ZNF609: variants seen among roughly 807,000 people sequenced by gnomAD.
ZNF609 encodes the protein zinc finger protein 609.
In ZNF609, 11 loss-of-function variants were observed where a neutral mutation model predicts 109.5. The observed-to-expected ratio is 0.10, with a 90% CI of 0.06 to 0.17. The LOEUF is 0.17. Among genes scored for constraint, ZNF609 ranks in the 10% least tolerant of loss-of-function variants. The probability of loss-of-function intolerance (pLI) is 1.00; values close to 1 mark genes in which losing one functional copy is unlikely to be tolerated. For missense variants in ZNF609, 1,559 were observed against 1,772.4 expected (o/e 0.88, Z 2.16); for synonymous variants, 646 against 662.0 (o/e 0.98, Z 0.37).
intron 1 of ZNF609, among the ~76,000 whole-genome samples, chr15:64,497,324 C>A (rs1439927155): frequency 6.6e-6 from 1 of 152,194 alleles, no homozygotes; most frequent in African/African-American, 2.4e-5. Context: ...CTTCCCACAT[C>A]TACAGCTAAA....
At position 64,590,651 on chromosome 15, in the gene ZNF609, A is replaced by G. The variant is rs575219019; in HGVS notation, c.748-32176A>G. On this transcript the variant is annotated intron_variant, in intron 2 of 9. Coordinates refer to ENST00000326648, the MANE Select transcript of ZNF609 (RefSeq NM_015042.2). ...AAATATATATTTATTTTACATACAC[A>G]TAACACACACACACATATACATGCA... is the stretch of plus-strand genomic sequence containing the variant. 2.2e-5 allele frequency among the ~76,000 whole-genome samples: 3 copies of G among 138,278 alleles called. No homozygotes were observed. In the South Asian group the frequency reaches 6.7e-4, roughly 31 times the overall value. 90.7% of individuals were successfully genotyped at this position (138,278 alleles called of 152,430 possible).
chr15:64,657,275 T>A (rs1896504035), intron 3 of ZNF609, among the ~76,000 whole-genome samples: 2 of 149,458 alleles, frequency 1.3e-5, no homozygotes, highest in African/African-American at 2.5e-5. Flanking sequence ...AAAAAAAAAA[T>A]TATAAAAAAT....
intron 2 of ZNF609, among the ~76,000 whole-genome samples, chr15:64,612,281 G>C (rs1024928250): frequency 6.6e-5 from 10 of 151,622 alleles, no homozygotes; most frequent in Admixed American, 6.6e-4. Context: ...CCGAGTAGCT[G>C]GGACTACAGG....
chr15:64,492,730 A>C (rs1893431402), intron 1 of ZNF609, among the ~76,000 whole-genome samples: 1 of 152,290 alleles, frequency 6.6e-6, no homozygotes, highest in South Asian at 2.1e-4. Flanking sequence ...ATATGCTTAG[A>C]ATGTGATAGA....
rs536712944 is a variant in ZNF609 at position 64,595,096 on chromosome 15, G to A, written c.748-27731G>A. Among the ~76,000 whole-genome samples, 88 of 150,970 alleles carry A rather than the reference G, an allele frequency of 5.8e-4. No homozygotes were observed. In the South Asian group the frequency reaches 0.016, roughly 28 times the overall value. The stretch of plus-strand genomic sequence containing the variant: ...AAATTTGGGCCGGGCGCGGTGGCTC[G>A]TGCCTGTAATCTCAGTACTTTGGGA... On this transcript the variant is annotated intron_variant, in intron 2 of 9. Coordinates refer to ENST00000326648, the MANE Select transcript of ZNF609 (RefSeq NM_015042.2).
chr15:64,549,798 A>G (rs1191146602), intron 2 of ZNF609, among the ~76,000 whole-genome samples: 1 of 151,988 alleles, frequency 6.6e-6, no homozygotes, highest in Admixed American at 6.6e-5. Context: ...AATTTAATTT[A>G]TTTTTGAGAT....
At position 64,607,816 on chromosome 15, in the gene ZNF609, C is replaced by CTTCTTTCTTTCTTTCTTTCT. The variant is rs71133456; in HGVS notation, c.748-14965_748-14946dup. 1.5e-4 allele frequency among the ~76,000 whole-genome samples: 15 copies of CTTCTTTCTTTCTTTCTTTCT among 98,906 alleles called. 1 individual carries two copies. The highest frequency in any genetic ancestry group is 6.9e-4 in the African/African-American group (15 of 21,634). The allele number at this position is 98,906 out of a possible 152,430, so 64.9% of individuals were successfully genotyped here. A position where few individuals can be genotyped will look rare whatever the true frequency, so the allele number is the denominator to read the frequency against. ...TACTGCACCTGGCCTTAAATGTTTTCTTCTTTCTTTCTTTCTTTCTTTCTT... is the reference window on the plus strand; with the variant it reads ...TACTGCACCTGGCCTTAAATGTTTTCTTCTTTCTTTCTTTCTTTCTTTCTTTCTTTCTTTCTTTCTTTCTT... On this transcript the variant is annotated intron_variant, in intron 2 of 9. Coordinates refer to ENST00000326648, the MANE Select transcript of ZNF609 (RefSeq NM_015042.2).
chr15:64,580,196 C>T (rs1211762534), intron 2 of ZNF609, among the ~76,000 whole-genome samples: 1 of 152,158 alleles, frequency 6.6e-6, no homozygotes, highest in Non-Finnish European at 1.5e-5. Context: ...AGACAGCCTC[C>T]TAAAGCCTAG....
chr15:64,480,855 G>C (rs1893241844), intron 1 of ZNF609, among the ~76,000 whole-genome samples: 1 of 152,122 alleles, frequency 6.6e-6, no homozygotes, highest in East Asian at 1.9e-4. Flanking sequence ...AGTAATAGAA[G>C]GTTTATTTAT....
At chr15:64,540,192 C>T (rs996952247) in intron 2 of ZNF609, among the ~76,000 whole-genome samples, 4 of 152,150 alleles carry the variant, frequency 2.6e-5, no homozygotes, top group Admixed American at 2.0e-4. Context: ...ACAGCATATT[C>T]TTGGAGAGAA....
At chr15:64,546,881 C>A (rs1009303599) in intron 2 of ZNF609, among the ~76,000 whole-genome samples, 1 of 151,052 alleles carries the variant, frequency 6.6e-6, no homozygotes, top group African/African-American at 2.4e-5. Flanking sequence ...AGCTCTGCCT[C>A]CCAGGTTCAC....
chr15:64,633,956 G>T (rs1352400478), intron 3 of ZNF609, among the ~76,000 whole-genome samples: 2 of 152,054 alleles, frequency 1.3e-5, no homozygotes, highest in African/African-American at 2.4e-5. Flanking sequence ...CTGGCCAAGG[G>T]TCTGAATGTT....
At chr15:64,573,352 T>TTTC (rs1430218938) in intron 2 of ZNF609, among the ~76,000 whole-genome samples, 4 of 102,136 alleles carry the variant, frequency 3.9e-5, no homozygotes, top group Non-Finnish European at 8.5e-5. Flanking sequence ...CTTTCTTTTT[T>TTTC]TTTTTTTTTT....
chr15:64,476,461 C>A (rs1893171962), intron 1 of ZNF609, among the ~76,000 whole-genome samples: 1 of 151,932 alleles, frequency 6.6e-6, no homozygotes. Flanking sequence ...GGGGTTGCAA[C>A]CCTAAATAAG....
Position 64,683,564 on chromosome 15 carries a change from C to G in ZNF609, c.*1878C>G, listed in dbSNP as rs11071804. The stretch of plus-strand genomic sequence containing the variant: ...CAGCCTCCCTCATACCCATCATTCC[C>G]TCTGCCTTCTGCTGCCCTCATGGGC... On this transcript the variant is annotated 3_prime_UTR_variant, in exon 10 of 10. Transcript: ENST00000326648. 112,876 of 152,248 alleles carry G rather than the reference C, an allele frequency of 0.74. 45,581 individuals carry two copies. Among genetic ancestry groups the G allele is most frequent in the East Asian group, 0.97 (5,001 of 5,166 alleles). The allele number at this position is 152,248 out of a possible 1,614,324, so 9.4% of individuals were successfully genotyped here.
intron 2 of ZNF609, among the ~76,000 whole-genome samples, chr15:64,539,163 CTTATTTAT>C (rs753926623): frequency 0.021 from 2,904 of 135,316 alleles, 89 homozygotes; most frequent in African/African-American, 0.066. Context: ...GCCACCATGC[CTTATTTAT>C]TTATTTATTT....
intron 3 of ZNF609, chr15:64,631,594 G>T: frequency 2.3e-6 from 1 of 425,902 alleles, no homozygotes; most frequent in South Asian, 2.3e-5. Flanking sequence ...GTGCAATGGC[G>T]CAATCTCGGC....
At chr15:64,557,766 G>A (rs1197753910) in intron 2 of ZNF609, among the ~76,000 whole-genome samples, 1 of 152,048 alleles carries the variant, frequency 6.6e-6, no homozygotes, top group Non-Finnish European at 1.5e-5. Flanking sequence ...GCGCGATCTC[G>A]GCCCAGTGCA....
intron 3 of ZNF609, among the ~76,000 whole-genome samples, chr15:64,648,626 G>A (rs999390709): frequency 6.6e-6 from 1 of 151,806 alleles, no homozygotes; most frequent in Admixed American, 6.6e-5. Context: ...CTGTAAAATG[G>A]GAATGATTAT....
Sources: allele counts gnomAD v4.1 joint callset (sites outside exome capture counted in the v4.1 genomes callset), GRCh38; gene constraint gnomAD v4.1.1; transcripts MANE v1.5; gene names NCBI Gene and HGNC (gene_info 2026-07-23, HGNC 2026-07-21).